CABP5: variants seen among roughly 807,000 people sequenced by gnomAD.
CABP5 encodes calcium-binding protein 5.
In CABP5, 17 loss-of-function variants were observed where a neutral mutation model predicts 21.9. The observed-to-expected ratio is 0.78, with a 90% CI of 0.53 to 1.17. CABP5 has a LOEUF of 1.17. CABP5 is among the 50% of genes most tolerant of loss of function. CABP5 has a pLI of 0.00. For missense variants in CABP5, 229 were observed against 228.9 expected (o/e 1.00, Z 0.00); for synonymous variants, 85 against 79.4 (o/e 1.07, Z -0.37).
intron 5 of CABP5, among the ~76,000 whole-genome samples, chr19:48,031,208 T>A (rs1362081875): frequency 3.3e-5 from 5 of 152,150 alleles, no homozygotes; most frequent in Non-Finnish European, 1.5e-5. Flanking sequence ...AGACCATTAA[T>A]GGCATAATGC....
At chr19:48,040,064 T>C (rs1048507709) in intron 3 of CABP5, among the ~76,000 whole-genome samples, 12 of 152,136 alleles carry the variant, frequency 7.9e-5, no homozygotes, top group African/African-American at 2.9e-4. Flanking sequence ...AAATCAGTTA[T>C]GATCTCCATC....
In CABP5 at chr19:48,039,703, CTTTT is replaced by C. The variant is rs772482700; in HGVS notation, c.239-390_239-387del. Among the ~76,000 whole-genome samples, 21 of 59,222 alleles carry C rather than the reference CTTTT, an allele frequency of 3.5e-4. No individual in the cohort carries two copies. The South Asian group carries it at 0.015, about 43-fold the overall frequency. The allele number at this position is 59,222 out of a possible 152,430, so 38.9% of individuals were successfully genotyped here. A position where few individuals can be genotyped will look rare whatever the true frequency, so the allele number is the denominator to read the frequency against. On this transcript the variant is annotated intron_variant, in intron 3 of 5. Coordinates refer to ENST00000293255, the MANE Select transcript of CABP5 (RefSeq NM_019855.5). Reference sequence around the variant, plus strand: ...ACATGCCCAGAAGCAAACCCAATAGCTTTTTTTTTTTTTTTTTTTTTTTTTTTTG... The same window carrying C: ...ACATGCCCAGAAGCAAACCCAATAGCTTTTTTTTTTTTTTTTTTTTTTTTG...
At chr19:48,036,257 T>C (rs952925310) in intron 4 of CABP5, among the ~76,000 whole-genome samples, 4 of 152,198 alleles carry the variant, frequency 2.6e-5, no homozygotes, top group African/African-American at 9.7e-5. Flanking sequence ...TTCTTGGGAC[T>C]GAGCACGGAG....
intron 3 of CABP5, 97 bp downstream of exon 3, chr19:48,040,508 C>G: frequency 7.6e-7 from 1 of 1,318,186 alleles, no homozygotes; most frequent in South Asian, 1.4e-5. Flanking sequence ...TCATCCTCCT[C>G]TCCACCCCCA....
rs116115830 is a variant in CABP5, at chr19:48,037,196, C to T, written c.348+2012G>A. Among the ~76,000 whole-genome samples the T allele has an allele frequency of 5.3e-3, 775 of 145,416 alleles. 6 individuals are homozygous for T. Among genetic ancestry groups the T allele is most frequent in the African/African-American group, 0.018 (745 of 40,288 alleles). ...GCCAAGGTATGGAAGCAACCTGTGT[C>T]CATCAAAACAGAAGAGTGGATAAAG... On this transcript the variant is annotated intron_variant, in intron 4 of 5. Coordinates refer to ENST00000293255, the MANE Select transcript of CABP5 (RefSeq NM_019855.5).
chr19:48,036,263 C>T (rs903548798), intron 4 of CABP5, among the ~76,000 whole-genome samples: 9 of 152,136 alleles, frequency 5.9e-5, no homozygotes, highest in African/African-American at 1.2e-4. Flanking sequence ...GGACTGAGCA[C>T]GGAGCAGCAA....
At chr19:48,033,063 G>A (rs1440184768) in intron 5 of CABP5, among the ~76,000 whole-genome samples, 1 of 147,198 alleles carries the variant, frequency 6.8e-6, no homozygotes, top group African/African-American at 2.5e-5. Flanking sequence ...GTGCAATGGC[G>A]CGATCTCAGC....
intron 1 of CABP5, among the ~76,000 whole-genome samples, chr19:48,043,264 T>C (rs1267985894): frequency 6.9e-6 from 1 of 145,076 alleles, no homozygotes; most frequent in East Asian, 2.1e-4. Context: ...CGCCTCTGCC[T>C]CCCAAGATGC....
intron 4 of CABP5, among the ~76,000 whole-genome samples, chr19:48,035,567 A>T (rs1335663531): frequency 1.3e-5 from 2 of 152,252 alleles, no homozygotes; most frequent in Non-Finnish European, 2.9e-5. Context: ...ATTCTACTCC[A>T]GCCTGGGCAA....
chr19:48,041,520 C>A lies in CABP5; in HGVS notation c.94+53G>T, dbSNP rs554446379. 21 of 1,556,990 alleles carry A rather than the reference C, an allele frequency of 1.3e-5. No individual in the cohort carries two copies. The South Asian group carries it at 2.0e-4, about 15-fold the overall frequency. ...CGGAAATGCACAAAGGGACTGAGGG[C>A]AGGTCAGGTGGGTGGATGGCAACGT... On this transcript the variant is annotated intron_variant, in intron 2 of 5. Coordinates refer to ENST00000293255, the MANE Select transcript of CABP5 (RefSeq NM_019855.5).
At chr19:48,038,655 C>T (rs1306778535) in intron 4 of CABP5, among the ~76,000 whole-genome samples, 4 of 152,012 alleles carry the variant, frequency 2.6e-5, no homozygotes, top group African/African-American at 4.8e-5. Context: ...GGTGAAACCC[C>T]GTCTCTACGA....
chr19:48,043,533 C>CCACCACCATCACCACCATCT (rs1555738918), intron 1 of CABP5, among the ~76,000 whole-genome samples: 11 of 21,078 alleles, frequency 5.2e-4, no homozygotes, highest in South Asian at 2.5e-3. Context: ...ATCACCACCA[C>CCACCACCATCACCACCATCT]CACCATCATC....
chr19:48,039,736 C>T (rs1397197374), intron 3 of CABP5, among the ~76,000 whole-genome samples: 3 of 68,416 alleles, frequency 4.4e-5, no homozygotes, highest in African/African-American at 1.8e-4. Flanking sequence ...TTTTTTGAGA[C>T]AGAGTCCCAC....
intron 5 of CABP5, among the ~76,000 whole-genome samples, chr19:48,033,689 T>C (rs1416715393): frequency 6.6e-6 from 1 of 152,068 alleles, no homozygotes; most frequent in Non-Finnish European, 1.5e-5. Context: ...AAAAATACAG[T>C]GGTGCTTTGT....
chr19:48,033,991 G>A (rs1388114365), intron 5 of CABP5, among the ~76,000 whole-genome samples: 1 of 152,142 alleles, frequency 6.6e-6, no homozygotes, highest in African/African-American at 2.4e-5. Flanking sequence ...CTTGGCTGAG[G>A]TGTTCCTCGG....
chr19:48,031,400 C>T (rs1382871596), intron 5 of CABP5, among the ~76,000 whole-genome samples: 4 of 151,966 alleles, frequency 2.6e-5, no homozygotes, highest in Admixed American at 6.6e-5. Flanking sequence ...ATTAGCTAGG[C>T]GTGGTGGCGG....
chr19:48,041,622 G>A lies in CABP5; in HGVS notation c.64-19C>T, dbSNP rs1967483065. The stretch of plus-strand genomic sequence containing the variant: ...GTCTTTCCTGGAAAGGAATGCAGAT[G>A]AGAGGGAATTTGGAGAGAGGGTCAC... On this transcript the variant is annotated intron_variant, in intron 1 of 5. Coordinates refer to ENST00000293255, the MANE Select transcript of CABP5 (RefSeq NM_019855.5). 2 of 1,609,086 alleles carry A rather than the reference G, an allele frequency of 1.2e-6. No individual in the cohort carries two copies. The highest frequency in any genetic ancestry group is 4.5e-5 in the East Asian group (2 of 44,492).
At chr19:48,035,569 C>A (rs1198287377) in intron 4 of CABP5, among the ~76,000 whole-genome samples, 1 of 152,186 alleles carries the variant, frequency 6.6e-6, no homozygotes, top group African/African-American at 2.4e-5. Context: ...TCTACTCCAG[C>A]CTGGGCAACA....
At chr19:48,043,830 A>T in intron 1 of CABP5, 30 bp downstream of exon 1, 1 of 1,296,704 alleles carries the variant, frequency 7.7e-7, no homozygotes. Flanking sequence ...TGCCCCGCCC[A>T]CCGCCCTTCC....
Sources: allele counts gnomAD v4.1 joint callset (sites outside exome capture counted in the v4.1 genomes callset), GRCh38; gene constraint gnomAD v4.1.1; transcripts MANE v1.5; gene names NCBI Gene and HGNC (gene_info 2026-07-23, HGNC 2026-07-21).